The following PPP2R3C variants were observed in gnomAD, a reference collection of about 807,000 sequenced individuals.
The protein encoded by PPP2R3C is protein phosphatase 2 regulatory subunit B''gamma, also known as serine/threonine-protein phosphatase 2A regulatory subunit B'' subunit gamma.
A neutral mutation model predicts 63.7 loss-of-function variants in PPP2R3C; 47 were observed. That is an observed-to-expected ratio of 0.74 (90% CI 0.58 to 0.94). The LOEUF is 0.94. Among genes scored for constraint, PPP2R3C ranks in the 40% least tolerant of loss-of-function variants. The probability of loss-of-function intolerance (pLI) is 0.00; values close to 1 mark genes in which losing one functional copy is unlikely to be tolerated. For synonymous variants in PPP2R3C, 180 were observed against 177.4 expected, an observed-to-expected ratio of 1.01 and a Z score of -0.12; for missense variants, 421 against 518.4, an observed-to-expected ratio of 0.81 and a Z score of 1.82.
intron 1 of PPP2R3C, among the ~76,000 whole-genome samples, chr14:35,117,424 G>C: frequency 6.6e-6 from 1 of 152,138 alleles, no homozygotes; most frequent in East Asian, 1.9e-4. Context: ...TTCACCTCTA[G>C]TTCATTCTGC....
At chr14:35,117,390 A>G (rs979367353) in intron 1 of PPP2R3C, among the ~76,000 whole-genome samples, 1 of 152,194 alleles carries the variant, frequency 6.6e-6, no homozygotes, top group Non-Finnish European at 1.5e-5. Context: ...GTGGGTGACC[A>G]TGGGTCCTGC....
intron 2 of PPP2R3C, 64 bp downstream of exon 2, chr14:35,116,545 CT>C (rs1555316274): frequency 1.5e-6 from 2 of 1,369,638 alleles, no homozygotes; most frequent in Non-Finnish European, 1.9e-6. Context: ...ATGAGCCACC[CT>C]GCCTTGCCAA....
rs1370186497 is a variant in PPP2R3C at position 35,109,929 on chromosome 14, G to C, written c.294C>G (p.Asn98Lys). The C allele has an allele frequency of 1.9e-6, 3 of 1,576,058 alleles. No homozygotes were observed. In the South Asian group the frequency reaches 3.4e-5, roughly 18 times the overall value. ...RELLDNEELQ[N>K]LWFLLDKHQT... Reference sequence around the variant, plus strand: ...GGTGTTTGTCCAGCAAAAACCATAAGTTCTTAAGAGAATTGTGGAAGTGAA... The same window carrying C: ...GGTGTTTGTCCAGCAAAAACCATAACTTCTTAAGAGAATTGTGGAAGTGAA... The change falls in exon 4 of 13, where the codon AAC becomes AAG. Residue 98 changes from asparagine to lysine, a missense_variant and splice_region_variant. By Grantham distance (94) the Asn-to-Lys change is moderately conservative. Around this residue, in one of 3 missense-constraint regions of PPP2R3C, gnomAD observed 143 missense variants for 151.2 expected, o/e 0.95. Transcript: ENST00000261475.
chr14:35,096,261 G>T (rs776241711), intron 9 of PPP2R3C, among the ~76,000 whole-genome samples: 53 of 152,050 alleles, frequency 3.5e-4, no homozygotes, highest in Admixed American at 1.4e-3. Context: ...GGGGCACTGA[G>T]GTGAGAGGAT....
At chr14:35,112,851 T>G (rs571658288) in intron 2 of PPP2R3C, 1 of 152,388 alleles carries the variant, frequency 6.6e-6, no homozygotes, top group South Asian at 2.1e-4. Flanking sequence ...CATTCCTTTC[T>G]GTTTGATCCC....
chr14:35,121,944 C>T lies in PPP2R3C; in HGVS notation c.16G>A (p.Val6Ile), dbSNP rs2046918317. 1 of 1,614,026 alleles carries T rather than the reference C, an allele frequency of 6.2e-7. No homozygotes were observed. The highest frequency in any genetic ancestry group is 1.3e-5 in the African/African-American group (1 of 74,946). ...GGCGTCGCTAGGCGCCGACGAAGAA[C>T]TTCTTTCCAGTCCATGGCCGACTTC... MDWKE[V>I]LRRRLATPNT... Residue 6 changes from valine to isoleucine, a missense_variant, in exon 1 of 13, where the codon GTT (valine) becomes ATT (isoleucine). Around this residue, in one of 3 missense-constraint regions of PPP2R3C, gnomAD observed 143 missense variants for 151.2 expected, o/e 0.95. Transcript: ENST00000261475.
chr14:35,114,532 G>A (rs780093549), intron 2 of PPP2R3C, among the ~76,000 whole-genome samples: 4 of 152,204 alleles, frequency 2.6e-5, no homozygotes, highest in Non-Finnish European at 5.9e-5. Context: ...AATAGAGTTA[G>A]AAGGTAATAG....
In PPP2R3C at chr14:35,091,180, G is replaced by A; in HGVS notation, c.1003C>T (p.Leu335Phe). The A allele has an allele frequency of 6.2e-7, 1 of 1,610,826 alleles. No homozygotes were observed. The highest frequency in any genetic ancestry group is 8.5e-7 in the Non-Finnish European group (1 of 1,178,768). Residue 335 changes from leucine to phenylalanine, a missense_variant, in exon 11 of 13, where the codon CTT becomes TTT. By Grantham distance (22) the Leu-to-Phe change is conservative. Transcript: ENST00000261475. ...MDYKTYLDFV[L>F]ALENRKEPAA... ...GGTTCCTTTCTGTTTTCTAATGCAA[G>A]GACAAAGTCCAAGTAGGTCTTATAG...
At chr14:35,093,481 G>A (rs927264905) in intron 10 of PPP2R3C, among the ~76,000 whole-genome samples, 5 of 151,916 alleles carry the variant, frequency 3.3e-5, no homozygotes, top group African/African-American at 1.2e-4. Context: ...TTACAGCTGT[G>A]GGAGTTACAA....
intron 11 of PPP2R3C, among the ~76,000 whole-genome samples, chr14:35,088,905 CAATTT>C (rs1046083563): frequency 3.7e-4 from 57 of 152,178 alleles, no homozygotes; most frequent in Non-Finnish European, 2.2e-4. Context: ...AGTTTTAAAA[CAATTT>C]AATATTCTAA....
At position 35,091,140 on chromosome 14, in the gene PPP2R3C, T is replaced by C. The variant is rs1369662702; in HGVS notation, c.1043A>G (p.Tyr348Cys). 12 of 1,608,586 alleles carry C rather than the reference T, an allele frequency of 7.5e-6. No homozygotes were observed. The highest frequency in any genetic ancestry group is 2.7e-5 in the African/African-American group (2 of 74,774). ...CTCAATATCAAGCAGTTTGAAAATATATTGTAGAGCTGCAGGTTCCTTTCT... is the reference window on the plus strand; with the variant it reads ...CTCAATATCAAGCAGTTTGAAAATACATTGTAGAGCTGCAGGTTCCTTTCT... ...ENRKEPAALQ[Y>C]IFKLLDIENK... The change falls in exon 11 of 13, where the codon TAT (tyrosine) becomes TGT (cysteine). Residue 348 changes from tyrosine (Y) to cysteine (C), a missense_variant. Around this residue, in one of 3 missense-constraint regions of PPP2R3C, gnomAD observed 231 missense variants for 264.8 expected, o/e 0.87. Coordinates refer to ENST00000261475, the MANE Select transcript of PPP2R3C (RefSeq NM_017917.4).
intron 12 of PPP2R3C, chr14:35,087,657 C>T (rs953053736): frequency 9.6e-6 from 3 of 311,096 alleles, no homozygotes; most frequent in Non-Finnish European, 1.2e-5. Flanking sequence ...GCCTCAGCCT[C>T]CCAACGTGCT....
At chr14:35,099,216 C>A in intron 7 of PPP2R3C, 36 bp downstream of exon 7, 2 of 1,489,386 alleles carry the variant, frequency 1.3e-6, no homozygotes, top group South Asian at 2.7e-5. Context: ...TAATAATATC[C>A]TCATAATATC....
chr14:35,110,730 T>A, intron 2 of PPP2R3C, 101 bp from the exon 3 acceptor site: 1 of 688,516 alleles, frequency 1.5e-6, no homozygotes, highest in Non-Finnish European at 2.4e-6. Context: ...CGCCTCGAAT[T>A]ATTTCTTGTA....
intron 4 of PPP2R3C, 81 bp downstream of exon 4, chr14:35,109,738 G>A: frequency 8.7e-7 from 1 of 1,151,692 alleles, no homozygotes. Context: ...TTACAGGTGT[G>A]AGCCACTGTG....
At chr14:35,118,697 A>G (rs1271837924) in intron 1 of PPP2R3C, among the ~76,000 whole-genome samples, 5 of 128,192 alleles carry the variant, frequency 3.9e-5, no homozygotes, top group Non-Finnish European at 6.3e-5. Flanking sequence ...ACTGTCACCC[A>G]GGCTGGAGGG....
intron 6 of PPP2R3C, among the ~76,000 whole-genome samples, chr14:35,104,589 G>C (rs2046291820): frequency 6.6e-6 from 1 of 152,180 alleles, no homozygotes; most frequent in African/African-American, 2.4e-5. Flanking sequence ...AAGAAGCATA[G>C]CCATTTGGAC....
chr14:35,107,273 T>C (rs748312586), intron 6 of PPP2R3C, 31 bp downstream of exon 6: 61 of 1,508,644 alleles, frequency 4.0e-5, no homozygotes, highest in Non-Finnish European at 7.4e-6. Flanking sequence ...TCTATAAGAG[T>C]TAATATAATA....
At chr14:35,095,338 A>G (rs1392979842) in intron 9 of PPP2R3C, among the ~76,000 whole-genome samples, 154 bp from the exon 10 acceptor site, 1 of 152,204 alleles carries the variant, frequency 6.6e-6, no homozygotes, top group Non-Finnish European at 1.5e-5. Context: ...ACTATCAGCT[A>G]CCTTTGCAAT....
Sources: allele counts gnomAD v4.1 joint callset (sites outside exome capture counted in the v4.1 genomes callset), GRCh38; gene constraint gnomAD v4.1.1; regional missense constraint gnomAD v4.1.1; transcripts MANE v1.5; gene names NCBI Gene and HGNC (gene_info 2026-07-23, HGNC 2026-07-21).